GGT1: variants seen among roughly 807,000 people sequenced by gnomAD.
GGT1 encodes gamma-glutamyltransferase 1.
A neutral mutation model predicts 56.0 loss-of-function variants in GGT1; 21 were observed. The observed-to-expected ratio is 0.38, with a 90% CI of 0.27 to 0.54. The LOEUF is 0.54. GGT1 is among the 20% of genes least tolerant of loss of function. The probability of loss-of-function intolerance (pLI) is 0.82; values close to 1 mark genes in which losing one functional copy is unlikely to be tolerated. For missense variants in GGT1, 466 were observed against 787.0 expected, an observed-to-expected ratio of 0.59 and a Z score of 4.88; for synonymous variants, 238 against 342.6, an observed-to-expected ratio of 0.69 and a Z score of 3.37.
At chr22:24,624,712 C>T in intron 11 of GGT1, 5 of 981,712 alleles carry the variant, frequency 5.1e-6, no homozygotes, top group Non-Finnish European at 6.0e-6. Context: ...TCCTTTCTGC[C>T]TCTGATGATT....
chr22:24,605,850 ATATATGATGTGTATTATATAT>A (rs2046209839), intron 1 of GGT1, among the ~76,000 whole-genome samples: 1 of 46,386 alleles, frequency 2.2e-5, no homozygotes, highest in Non-Finnish European at 3.3e-5. Context: ...ATATTATATA[ATATATGATGTGTATTATATAT>A]TATATAATAT....
the GGT1 span, chr22:24,586,057 C>G: frequency 1.9e-6 from 3 of 1,611,958 alleles, no homozygotes; most frequent in Non-Finnish European, 2.5e-6. Flanking sequence ...GGCCGACCAG[C>G]AGGGGCTGGG....
At chr22:24,592,133 T>G (rs1601599165), upstream of GGT1, 1 of 371,624 alleles carries the variant, frequency 2.7e-6, no homozygotes, top group Non-Finnish European at 5.4e-6. Flanking sequence ...GGGGACGGGG[T>G]GGTGAGGGAA....
Position 24,620,031 on chromosome 22 carries a change from A to G in GGT1, c.383-297A>G, listed in dbSNP as rs1313688615. ...CATCCCCTCCTAAAAAAAAACAATT[A>G]AAATTAAAAAATAAATTTAAAAATT... is the stretch of plus-strand genomic sequence containing the variant. On this transcript the variant is annotated intron_variant, in intron 7 of 15. Transcript: ENST00000400382. The surrounding 1 kb of genome is among the most constrained non-coding windows in gnomAD (Gnocchi z 5.6). 1.6e-5 allele frequency among the ~76,000 whole-genome samples: 2 copies of G among 127,232 alleles called. No homozygotes were observed. The highest frequency in any genetic ancestry group is 1.7e-5 in the Non-Finnish European group (1 of 59,516). The allele number at this position is 127,232 out of a possible 152,430, so 83.5% of individuals were successfully genotyped here. A position where few individuals can be genotyped will look rare whatever the true frequency, so the allele number is the denominator to read the frequency against.
At chr22:24,600,407 C>T (rs546665865), upstream of GGT1, among the ~76,000 whole-genome samples, 3 of 152,376 alleles carry the variant, frequency 2.0e-5, no homozygotes, top group African/African-American at 4.8e-5. Context: ...GCCCATGCCT[C>T]TGCCATCCTG....
chr22:24,608,680 G>A (rs1046968156), intron 2 of GGT1, among the ~76,000 whole-genome samples: 4 of 152,060 alleles, frequency 2.6e-5, no homozygotes, highest in Admixed American at 6.5e-5. Flanking sequence ...TTTTTGAGAC[G>A]GAGTTTCACT....
At chr22:24,609,852 G>T (rs2046552288) in intron 2 of GGT1, 113 bp from the exon 3 acceptor site, 1 of 390,300 alleles carries the variant, frequency 2.6e-6, no homozygotes, top group East Asian at 7.4e-5. Flanking sequence ...AGAGACCTGT[G>T]CCACTCAGGC....
chr22:24,619,739 C>T (rs3865658), intron 7 of GGT1, among the ~76,000 whole-genome samples: 26 of 151,686 alleles, frequency 1.7e-4, no homozygotes, highest in Admixed American at 2.6e-4. Context: ...TGCTTGACCT[C>T]GGTCAAGGTG....
upstream of GGT1, among the ~76,000 whole-genome samples, chr22:24,601,494 G>C (rs368557954): frequency 2.9e-4 from 43 of 150,326 alleles, no homozygotes; most frequent in East Asian, 5.5e-3. Context: ...CCCCTCTCAG[G>C]CTGCAGGTTC....
upstream of GGT1, among the ~76,000 whole-genome samples, chr22:24,602,216 C>T (rs958439852): frequency 6.6e-6 from 1 of 152,152 alleles, no homozygotes; most frequent in African/African-American, 2.4e-5. Flanking sequence ...GTTCCTTCCG[C>T]CTGGCAGGTC....
At chr22:24,592,797 C>G, upstream of GGT1, 2 of 1,233,878 alleles carry the variant, frequency 1.6e-6, no homozygotes, top group Non-Finnish European at 2.0e-6. Context: ...CCCGCGCCTC[C>G]CAGACCCCCA....
chr22:24,592,740 C>G (rs2045608874), upstream of GGT1: 2 of 1,293,398 alleles, frequency 1.5e-6, no homozygotes, highest in African/African-American at 3.1e-5. Context: ...GCGCCAGAGA[C>G]CAGCTCCGCC....
Position 24,627,604 on chromosome 22 carries a change from G to C in GGT1, c.1193G>C (p.Ser398Thr). The change falls in exon 12 of 16, where the codon AGC (serine) becomes ACC (threonine). Residue 398 changes from serine to threonine, a missense_variant. Around this residue, in one of 2 missense-constraint regions of GGT1, gnomAD observed 456 missense variants for 716.7 expected, o/e 0.64. Coordinates refer to ENST00000400382, the MANE Select transcript of GGT1 (RefSeq NM_001288833.2). ...AEDGSAVSAT[S>T]TINLYFGSKV... is the part of the protein sequence containing the mutation. ...GACGGCAGTGCTGTGTCCGCCACCA[G>C]CACCATCAACCTCTAGTAGGGGCTG... 6.2e-7 allele frequency: 1 copy of C among 1,607,180 alleles called. No homozygotes were observed. Among genetic ancestry groups the C allele is most frequent in the Non-Finnish European group, 8.5e-7 (1 of 1,177,858 alleles).
intron 5 of GGT1, among the ~76,000 whole-genome samples, chr22:24,612,241 ATTCT>A (rs1185718251): frequency 1.3e-3 from 99 of 77,572 alleles, no homozygotes; most frequent in African/African-American, 5.1e-3. Context: ...CGCCCGGCTT[ATTCT>A]TTTTTTTTTT....
rs1158639644 is a variant in GGT1, at chr22:24,605,894, ATATAT to A, written c.-428-2054_-428-2050del. ...TATTATATAATATATGATGTGTATTATATATTATATAATATTATATGATGTGTATT... is the reference window on the plus strand; with the variant it reads ...TATTATATAATATATGATGTGTATTATATATAATATTATATGATGTGTATT... On this transcript the variant is annotated intron_variant, in intron 1 of 15. Coordinates refer to ENST00000400382, the MANE Select transcript of GGT1 (RefSeq NM_001288833.2). Among the ~76,000 whole-genome samples the A allele has an allele frequency of 7.9e-5, 7 of 88,306 alleles. 1 individual carries two copies. In the East Asian group the frequency reaches 2.2e-3, roughly 28 times the overall value. 57.9% of individuals were successfully genotyped at this position (88,306 alleles called of 152,430 possible).
At chr22:24,601,273 GC>G (rs895277805), upstream of GGT1, among the ~76,000 whole-genome samples, 1 of 152,088 alleles carries the variant, frequency 6.6e-6, no homozygotes, top group Non-Finnish European at 1.5e-5. Context: ...GCCCCCATGC[GC>G]CCCCCAACCC....
At position 24,628,492 on chromosome 22, in the gene GGT1, T is replaced by G; in HGVS notation, c.1563+104T>G. 6.9e-7 allele frequency: 1 copy of G among 1,448,082 alleles called. No homozygotes were observed. The highest frequency in any genetic ancestry group is 2.4e-5 in the East Asian group (1 of 41,918). 89.7% of individuals were successfully genotyped at this position (1,448,082 alleles called of 1,614,324 possible). ...AGTGGACAATGGTTGGTGTCCTCTC[T>G]CTAGTGCCTGGGCCATCTGGAGCCC... On this transcript the variant is annotated intron_variant, in intron 15 of 15. Coordinates refer to ENST00000400382, the MANE Select transcript of GGT1 (RefSeq NM_001288833.2). This position sits in a 1 kb window ranked among gnomAD's most constrained non-coding sequence, Gnocchi z 5.7.
intron 1 of GGT1, among the ~76,000 whole-genome samples, chr22:24,595,337 C>G (rs2045674129): frequency 6.6e-6 from 1 of 152,138 alleles, no homozygotes; most frequent in African/African-American, 2.4e-5. Context: ...GGACAGCAGC[C>G]CCCAGAGGCA....
At chr22:24,602,618 A>G (rs2045802805), upstream of GGT1, among the ~76,000 whole-genome samples, 1 of 152,108 alleles carries the variant, frequency 6.6e-6, no homozygotes, top group South Asian at 2.1e-4. Context: ...GTCCTCGGTC[A>G]GCCTGTTTGC....
Sources: allele counts gnomAD v4.1 joint callset (sites outside exome capture counted in the v4.1 genomes callset), GRCh38; gene constraint gnomAD v4.1.1; regional missense constraint gnomAD v4.1.1; non-coding constraint Gnocchi (gnomAD v3.1); transcripts MANE v1.5; gene names NCBI Gene and HGNC (gene_info 2026-07-23, HGNC 2026-07-21).